The following COP1 variants were observed in gnomAD, a reference collection of about 807,000 sequenced individuals.
COP1 encodes COP1 E3 ubiquitin ligase, also known as E3 ubiquitin-protein ligase COP1.
In COP1, 24 loss-of-function variants were observed where a neutral mutation model predicts 101.3. That is an observed-to-expected ratio of 0.24 (90% CI 0.17 to 0.33). The LOEUF (loss-of-function observed/expected upper bound fraction) is 0.33. Among genes scored for constraint, COP1 ranks in the 10% least tolerant of loss-of-function variants. COP1 has a pLI of 1.00. For missense variants in COP1, 663 were observed against 906.2 expected (o/e 0.73, Z 3.45); for synonymous variants, 347 against 341.9 (o/e 1.01, Z -0.17).
rs563134989 is a variant in COP1 at position 176,005,410 on chromosome 1, G to C, written c.1730-15931C>G. On this transcript the variant is annotated intron_variant, in intron 15 of 19. Transcript: ENST00000367669. ...TTCTGCTAGCTTTTGAATGTGTTTG[G>C]TCTTGCTTTTCTAGTTCTTTTAATT... 3.9e-3 allele frequency among the ~76,000 whole-genome samples: 591 copies of C among 151,888 alleles called. 4 individuals are homozygous for C. The highest frequency in any genetic ancestry group is 0.013 in the African/African-American group (531 of 41,428).
chr1:176,003,727 A>G (rs1173921642), intron 15 of COP1, among the ~76,000 whole-genome samples: 2 of 151,974 alleles, frequency 1.3e-5, no homozygotes, highest in Non-Finnish European at 1.5e-5. Context: ...TTTTGGTACC[A>G]GTACCATGCT....
chr1:176,081,338 G>GT (rs748311637), intron 10 of COP1, 51 bp from the exon 11 acceptor site: 16 of 1,399,490 alleles, frequency 1.1e-5, no homozygotes, highest in Non-Finnish European at 1.5e-5. Context: ...GAACTGCAAA[G>GT]TAAGTCAAAG....
At chr1:176,149,935 C>T (rs1692155765) in intron 5 of COP1, among the ~76,000 whole-genome samples, 1 of 151,888 alleles carries the variant, frequency 6.6e-6, no homozygotes, top group Non-Finnish European at 1.5e-5. Context: ...GGAGCAATTC[C>T]AAAACAAACA....
chr1:176,143,973 T>C (rs879346469), intron 6 of COP1, among the ~76,000 whole-genome samples: 4 of 152,016 alleles, frequency 2.6e-5, no homozygotes, highest in Non-Finnish European at 5.9e-5. Flanking sequence ...TGATAAAAAG[T>C]ACCTACAAAA....
At chr1:176,161,598 T>A (rs1694332533) in intron 5 of COP1, among the ~76,000 whole-genome samples, 1 of 151,346 alleles carries the variant, frequency 6.6e-6, no homozygotes, top group Non-Finnish European at 1.5e-5. Context: ...GGAGACTTTG[T>A]CCCTTAAAAA....
At chr1:176,198,340 T>C (rs1699918531) in intron 1 of COP1, among the ~76,000 whole-genome samples, 1 of 152,158 alleles carries the variant, frequency 6.6e-6, no homozygotes, top group African/African-American at 2.4e-5. Context: ...CTCATATATA[T>C]GGTTAATTTT....
chr1:176,173,719 G>T (rs1696472749), intron 3 of COP1, among the ~76,000 whole-genome samples: 1 of 151,684 alleles, frequency 6.6e-6, no homozygotes, highest in South Asian at 2.1e-4. Context: ...CAGGCGCAAT[G>T]ACTCACACCT....
intron 18 of COP1, among the ~76,000 whole-genome samples, chr1:175,979,474 T>A (rs1342429696): frequency 1.4e-5 from 2 of 142,696 alleles, no homozygotes; most frequent in African/African-American, 5.1e-5. Context: ...AAAACTCACA[T>A]AAATTTGGAA....
chr1:176,131,865 C>G (rs990377415), intron 8 of COP1, among the ~76,000 whole-genome samples: 3 of 151,808 alleles, frequency 2.0e-5, no homozygotes, highest in Non-Finnish European at 4.4e-5. Flanking sequence ...GAGAAAATAT[C>G]AAAACACTCT....
At chr1:176,130,861 A>C (rs1417948567) in intron 8 of COP1, among the ~76,000 whole-genome samples, 1 of 151,838 alleles carries the variant, frequency 6.6e-6, no homozygotes, top group Non-Finnish European at 1.5e-5. Flanking sequence ...ATAGAAACAG[A>C]ATCAAAATAA....
In COP1 at chr1:176,154,366, T is replaced by C. The variant is rs550488400; in HGVS notation, c.763-5292A>G. Among the ~76,000 whole-genome samples, 12 of 152,236 alleles carry C rather than the reference T, an allele frequency of 7.9e-5. No homozygotes were observed. In the East Asian group the frequency reaches 1.7e-3, roughly 22 times the overall value. On this transcript the variant is annotated intron_variant, in intron 5 of 19. Transcript: ENST00000367669. ...ATGTTCACTGCAGCACTATTTACAA[T>C]AGCAAAGACATGGAATCAACCTAAA...
rs1700963450 is a variant in COP1 at position 176,207,256 on chromosome 1, G to A, written c.-278C>T. 5.1e-6 allele frequency: 2 copies of A among 391,982 alleles called. No homozygotes were observed. Among genetic ancestry groups the A allele is most frequent in the Admixed American group, 4.5e-5 (1 of 22,314 alleles). The allele number at this position is 391,982 out of a possible 1,614,324, so 24.3% of individuals were successfully genotyped here. Reference sequence around the variant, plus strand: ...TCCCTGTAGCAGCCAACCCCGGCGCGCCGTGGCCGGCCGTGCGCGCGCGCG... The same window carrying A: ...TCCCTGTAGCAGCCAACCCCGGCGCACCGTGGCCGGCCGTGCGCGCGCGCG... On this transcript the variant is annotated 5_prime_UTR_variant, in exon 1 of 20. Coordinates refer to ENST00000367669, the MANE Select transcript of COP1 (RefSeq NM_022457.7).
intron 9 of COP1, among the ~76,000 whole-genome samples, chr1:176,092,237 T>C (rs930867184): frequency 1.3e-5 from 2 of 152,120 alleles, no homozygotes; most frequent in African/African-American, 4.8e-5. Context: ...CTGTACCTAA[T>C]TTAAAAATAG....
At chr1:176,030,459 GTTGT>G (rs1668476034) in intron 14 of COP1, among the ~76,000 whole-genome samples, 1 of 152,022 alleles carries the variant, frequency 6.6e-6, no homozygotes. Context: ...ATTATGTATC[GTTGT>G]TTAACGTTAA....
At chr1:175,977,961 T>C (rs1654965357) in intron 18 of COP1, among the ~76,000 whole-genome samples, 1 of 152,150 alleles carries the variant, frequency 6.6e-6, no homozygotes, top group Admixed American at 6.5e-5. Flanking sequence ...TATGAAAATT[T>C]GGTAGGGATT....
In COP1 at chr1:175,994,216, G is replaced by A. The variant is rs192126324; in HGVS notation, c.1730-4737C>T. ...TGCTGAGAGAATCTGTCACCACCAG[G>A]CCTGCCCTAAAAGAGCTCCTGAAGG... On this transcript the variant is annotated intron_variant, in intron 15 of 19. Transcript: ENST00000367669. Among the ~76,000 whole-genome samples the A allele has an allele frequency of 3.5e-4, 54 of 152,230 alleles. No homozygotes were observed. In the East Asian group the frequency reaches 0.01, roughly 29 times the overall value.
At chr1:175,961,695 CAAA>C (rs3034815) in intron 18 of COP1, among the ~76,000 whole-genome samples, 64 of 69,422 alleles carry the variant, frequency 9.2e-4, no homozygotes, top group East Asian at 8.6e-3. Flanking sequence ...GACCCTGTCT[CAAA>C]AAAAAAAAAA....
At chr1:176,005,208 T>C (rs1190607817) in intron 15 of COP1, among the ~76,000 whole-genome samples, 1 of 152,176 alleles carries the variant, frequency 6.6e-6, no homozygotes, top group Non-Finnish European at 1.5e-5. Flanking sequence ...ATCCCGTTTA[T>C]CATTTTTTAT....
intron 2 of COP1, among the ~76,000 whole-genome samples, chr1:176,182,165 C>T (rs999532727): frequency 6.6e-6 from 1 of 152,104 alleles, no homozygotes; most frequent in Non-Finnish European, 1.5e-5. Context: ...TTACAGGACA[C>T]TCAAGAAAAT....
Sources: allele counts gnomAD v4.1 joint callset (sites outside exome capture counted in the v4.1 genomes callset), GRCh38; gene constraint gnomAD v4.1.1; transcripts MANE v1.5; gene names NCBI Gene and HGNC (gene_info 2026-07-23, HGNC 2026-07-21).